The following CXADR variants were observed in gnomAD, a reference collection of about 807,000 sequenced individuals.
CXADR encodes the protein coxsackievirus and adenovirus receptor.
In CXADR, 20 loss-of-function variants were observed where a neutral mutation model predicts 40.3. The observed-to-expected ratio is 0.50, with a 90% CI of 0.35 to 0.72. The LOEUF is 0.72. Ranked by LOEUF, CXADR falls within the 30% of genes least tolerant of loss-of-function variation. The pLI, the probability that CXADR is intolerant of heterozygous loss-of-function variation, is 0.01. For synonymous variants in CXADR, 150 were observed against 161.3 expected (o/e 0.93, Z 0.53); for missense variants, 332 against 449.1 (o/e 0.74, Z 2.36).
chr21:17,579,837 T>C (rs1219960531), intron 7 of CXADR, among the ~76,000 whole-genome samples: 1 of 151,928 alleles, frequency 6.6e-6, no homozygotes, highest in Non-Finnish European at 1.5e-5. Context: ...TCAATAAAAG[T>C]GTGTTTGTAT....
At chr21:17,562,034 C>T (rs927410863) in intron 6 of CXADR, among the ~76,000 whole-genome samples, 7 of 152,004 alleles carry the variant, frequency 4.6e-5, no homozygotes, top group African/African-American at 7.2e-5. Flanking sequence ...TCGCACACTG[C>T]GATAAATCAC....
chr21:17,613,258 C>T, the CXADR span: 1 of 152,400 alleles, frequency 6.6e-6, no homozygotes, highest in South Asian at 2.1e-4. Context: ...TTTCGGCTGT[C>T]TCGGCCTTTT....
intron 3 of CXADR, among the ~76,000 whole-genome samples, chr21:17,553,499 G>C (rs2060995596): frequency 6.6e-6 from 1 of 152,086 alleles, no homozygotes; most frequent in Admixed American, 6.5e-5. Context: ...CCAGGAAAAG[G>C]AATATGGTAA....
chr21:17,620,730 A>AT, the CXADR span, among the ~76,000 whole-genome samples: 10 of 152,210 alleles, frequency 6.6e-5, no homozygotes, highest in African/African-American at 2.2e-4. Context: ...TAAAAAAAAA[A>AT]CTGCTTGAAA....
intron 1 of CXADR, among the ~76,000 whole-genome samples, chr21:17,539,501 A>G (rs2060800516): frequency 6.6e-6 from 1 of 151,916 alleles, no homozygotes; most frequent in Non-Finnish European, 1.5e-5. Context: ...TTCTCCTTCC[A>G]CATTAGTCTG....
the CXADR span, among the ~76,000 whole-genome samples, chr21:17,623,120 T>C: frequency 2.6e-5 from 4 of 152,108 alleles, no homozygotes; most frequent in African/African-American, 9.7e-5. Context: ...TTGTATTTTT[T>C]TATAGAGATG....
At chr21:17,585,202 T>G (rs2061386364) in intron 7 of CXADR, among the ~76,000 whole-genome samples, 1 of 152,198 alleles carries the variant, frequency 6.6e-6, no homozygotes, top group Non-Finnish European at 1.5e-5. Flanking sequence ...CATCTGACAT[T>G]GATATGCATT....
chr21:17,629,156 G>A, the CXADR span, among the ~76,000 whole-genome samples: 1 of 151,988 alleles, frequency 6.6e-6, no homozygotes, highest in Non-Finnish European at 1.5e-5. Context: ...GAGGTGGGCC[G>A]ATCACTTGAA....
At chr21:17,534,098 A>ATTTTTTTTTTTT in intron 1 of CXADR, among the ~76,000 whole-genome samples, 1 of 86,594 alleles carries the variant, frequency 1.2e-5, no homozygotes, top group Non-Finnish European at 2.0e-5. Flanking sequence ...ATATATATAT[A>ATTTTTTTTTTTT]TATTTTTTTT....
chr21:17,524,899 A>G (rs2060579989), intron 1 of CXADR, among the ~76,000 whole-genome samples: 1 of 152,126 alleles, frequency 6.6e-6, no homozygotes, highest in South Asian at 2.1e-4. Context: ...ACAGAGTGAA[A>G]CCCTGTGTCC....
At chr21:17,558,533 G>T (rs753832649) in intron 3 of CXADR, among the ~76,000 whole-genome samples, 11 of 152,138 alleles carry the variant, frequency 7.2e-5, no homozygotes, top group Non-Finnish European at 1.6e-4. Flanking sequence ...ATGATAAACT[G>T]CCTGATTGTC....
downstream of CXADR, chr21:17,594,374 A>C: frequency 6.3e-7 from 1 of 1,575,338 alleles, no homozygotes; most frequent in Non-Finnish European, 8.6e-7. Context: ...AAAGGAAAAA[A>C]TCATCATCTA....
rs1003005184 is a variant in CXADR, at chr21:17,523,405, G to A, written c.43+10233G>A. Among the ~76,000 whole-genome samples, 3 of 152,160 alleles carry A rather than the reference G, an allele frequency of 2.0e-5. No individual in the cohort carries two copies. In the South Asian group the frequency reaches 6.2e-4, roughly 32 times the overall value. ...TCATGGAAGAGGTGAGCAGGGCTGG[G>A]CTCTGTGTCCTGCACAGGTCAGCTT... On this transcript the variant is annotated intron_variant, in intron 1 of 6. Coordinates refer to ENST00000284878, the MANE Select transcript of CXADR (RefSeq NM_001338.5).
the CXADR span, among the ~76,000 whole-genome samples, chr21:17,624,777 C>T: frequency 0.029 from 4,406 of 152,204 alleles, 142 homozygotes; most frequent in East Asian, 0.16. Context: ...CTCTTAGCCA[C>T]GCATGCTTCC....
chr21:17,546,941 T>C (rs977285054), intron 1 of CXADR, 86 bp from the exon 2 acceptor site: 17 of 1,506,866 alleles, frequency 1.1e-5, no homozygotes, highest in Non-Finnish European at 1.5e-5. Flanking sequence ...CTCGCATCAA[T>C]GTGCTGCTTC....
chr21:17,558,318 C>T (rs1317056282), intron 3 of CXADR, among the ~76,000 whole-genome samples: 1 of 151,996 alleles, frequency 6.6e-6, no homozygotes, highest in Non-Finnish European at 1.5e-5. Context: ...TTTATTATGA[C>T]AGAGTCTCGC....
the CXADR span, among the ~76,000 whole-genome samples, chr21:17,617,147 T>A: frequency 7.9e-5 from 12 of 152,194 alleles, no homozygotes; most frequent in African/African-American, 2.9e-4. Context: ...TTTCATATTA[T>A]TGTTTGGTAA....
the CXADR span, chr21:17,598,856 G>A: frequency 1.3e-6 from 2 of 1,576,504 alleles, no homozygotes; most frequent in South Asian, 2.3e-5. Flanking sequence ...TACAAATCTT[G>A]AAGTCACATC....
At chr21:17,544,272 A>C (rs1178503239) in intron 1 of CXADR, among the ~76,000 whole-genome samples, 1 of 152,164 alleles carries the variant, frequency 6.6e-6, no homozygotes, top group Non-Finnish European at 1.5e-5. Flanking sequence ...CATTTAGGAG[A>C]AACACTTGAG....
Sources: allele counts gnomAD v4.1 joint callset (sites outside exome capture counted in the v4.1 genomes callset), GRCh38; gene constraint gnomAD v4.1.1; transcripts MANE v1.5; gene names NCBI Gene and HGNC (gene_info 2026-07-23, HGNC 2026-07-21).